The following VOPP1 variants were observed in gnomAD, a reference collection of about 807,000 sequenced individuals.
The protein encoded by VOPP1 is WW domain binding protein VOPP1.
Under a neutral mutation model 23.5 loss-of-function variants are expected in VOPP1, and 8 were observed. The ratio of observed to expected loss-of-function variants is 0.34; its 90% confidence interval spans 0.20 to 0.61. The LOEUF is 0.61. VOPP1 is among the 20% of genes least tolerant of loss of function. The pLI, the probability that VOPP1 is intolerant of heterozygous loss-of-function variation, is 0.78. For missense variants in VOPP1, 174 were observed against 238.1 expected (o/e 0.73, Z 1.77); for synonymous variants, 83 against 97.3 (o/e 0.85, Z 0.86).
rs184350920 is a variant in VOPP1, at chr7:55,550,981, A to G, written c.54+21290T>C. Among the ~76,000 whole-genome samples, 79 of 152,346 alleles carry G rather than the reference A, an allele frequency of 5.2e-4. No homozygotes were observed. In the East Asian group the frequency reaches 0.011, roughly 22 times the overall value. ...AAGGCTGTATCTAAAATGAGAACTAAGAGACACACAGGACAGCCCGAGAAG... is the reference window on the plus strand; with the variant it reads ...AAGGCTGTATCTAAAATGAGAACTAGGAGACACACAGGACAGCCCGAGAAG... On this transcript the variant is annotated intron_variant, in intron 1 of 4. Coordinates refer to ENST00000285279, the MANE Select transcript of VOPP1 (RefSeq NM_030796.5).
chr7:55,504,848 A>T (rs1462798695), intron 2 of VOPP1, among the ~76,000 whole-genome samples: 2 of 152,332 alleles, frequency 1.3e-5, no homozygotes, highest in East Asian at 3.9e-4. Context: ...TTCCACACTT[A>T]TTGGAGCTTC....
At chr7:55,556,770 G>A (rs1797822974) in intron 1 of VOPP1, among the ~76,000 whole-genome samples, 1 of 152,066 alleles carries the variant, frequency 6.6e-6, no homozygotes, top group Non-Finnish European at 1.5e-5. Context: ...TGACTAAAGG[G>A]AAACCATGTC....
rs537314220 is a variant in VOPP1 at position 55,499,607 on chromosome 7, A to G, written c.114-1917T>C. ...GTAATAAGTTCTTCTGTGGTGAAAA[A>G]TGGAGCCGGCACCGGCAGGTTGAGA... On this transcript the variant is annotated intron_variant, in intron 2 of 4. Coordinates refer to ENST00000285279, the MANE Select transcript of VOPP1 (RefSeq NM_030796.5). 5.9e-5 allele frequency among the ~76,000 whole-genome samples: 9 copies of G among 152,334 alleles called. No homozygotes were observed. In the South Asian group the frequency reaches 1.7e-3, roughly 28 times the overall value.
At chr7:55,481,656 T>C (rs1334418231) in intron 4 of VOPP1, among the ~76,000 whole-genome samples, 1 of 152,224 alleles carries the variant, frequency 6.6e-6, no homozygotes, top group East Asian at 1.9e-4. Flanking sequence ...GTGCAGAGCA[T>C]GCATTTGTTC....
chr7:55,468,115 A>G (rs977962740), downstream of VOPP1, among the ~76,000 whole-genome samples: 1 of 152,092 alleles, frequency 6.6e-6, no homozygotes, highest in African/African-American at 2.4e-5. Context: ...TACTAAAAAT[A>G]CAAAAATTAG....
At chr7:55,486,486 G>T (rs536087873) in intron 4 of VOPP1, among the ~76,000 whole-genome samples, 1 of 152,184 alleles carries the variant, frequency 6.6e-6, no homozygotes, top group Non-Finnish European at 1.5e-5. Context: ...GAAGTGCCGC[G>T]TAAGAATAAC....
At chr7:55,483,451 C>G (rs1042391648) in intron 4 of VOPP1, among the ~76,000 whole-genome samples, 1 of 151,822 alleles carries the variant, frequency 6.6e-6, no homozygotes, top group Non-Finnish European at 1.5e-5. Context: ...TTCACTCAAC[C>G]CTTCAGTAAG....
chr7:55,549,347 C>T (rs1797502511), intron 1 of VOPP1, among the ~76,000 whole-genome samples: 2 of 152,180 alleles, frequency 1.3e-5, no homozygotes, highest in African/African-American at 4.8e-5. Flanking sequence ...ATACAGACTC[C>T]CTTGAACTAG....
chr7:55,562,326 T>C (rs1403699256), intron 1 of VOPP1, among the ~76,000 whole-genome samples: 1 of 152,132 alleles, frequency 6.6e-6, no homozygotes, highest in Non-Finnish European at 1.5e-5. Context: ...CAGTCACCCT[T>C]CTCTCCCTTT....
At chr7:55,515,099 C>T (rs1795316997) in intron 2 of VOPP1, among the ~76,000 whole-genome samples, 1 of 152,220 alleles carries the variant, frequency 6.6e-6, no homozygotes, top group African/African-American at 2.4e-5. Context: ...CCACCGCCCT[C>T]TCTCTGCTCT....
chr7:55,438,227 C>T (rs1193821375), intron 4 of VOPP1, among the ~76,000 whole-genome samples: 1 of 151,966 alleles, frequency 6.6e-6, no homozygotes. Context: ...GGTGTCTTAT[C>T]TCTCCGAGGA....
At chr7:55,554,282 G>A (rs1797726834) in intron 1 of VOPP1, among the ~76,000 whole-genome samples, 1 of 152,226 alleles carries the variant, frequency 6.6e-6, no homozygotes, top group Non-Finnish European at 1.5e-5. Flanking sequence ...CCAAGGTCAG[G>A]AGAGGGCAGG....
At chr7:55,555,326 C>A (rs1251245647) in intron 1 of VOPP1, among the ~76,000 whole-genome samples, 2 of 152,198 alleles carry the variant, frequency 1.3e-5, no homozygotes, top group African/African-American at 4.8e-5. Context: ...AAGCAGACTG[C>A]ATGACAATCG....
chr7:55,511,139 G>A (rs1287794058), intron 2 of VOPP1, among the ~76,000 whole-genome samples: 1 of 152,156 alleles, frequency 6.6e-6, no homozygotes, highest in Non-Finnish European at 1.5e-5. Context: ...GCAGCAGAAA[G>A]GGAAATCAGC....
chr7:55,522,535 G>A (rs1795933975), intron 1 of VOPP1, among the ~76,000 whole-genome samples: 1 of 152,206 alleles, frequency 6.6e-6, no homozygotes, highest in African/African-American at 2.4e-5. Context: ...AGAGTCTTCT[G>A]TGATAAACAG....
chr7:55,459,344 G>A (rs985203856), intron 4 of VOPP1, among the ~76,000 whole-genome samples: 3 of 151,990 alleles, frequency 2.0e-5, no homozygotes, highest in Non-Finnish European at 4.4e-5. Flanking sequence ...CTTTTTCGTT[G>A]TGTCCTTCTC....
At position 55,505,364 on chromosome 7, in the gene VOPP1, A is replaced by G. The variant is rs539704895; in HGVS notation, c.114-7674T>C. Among the ~76,000 whole-genome samples, 11 of 152,324 alleles carry G rather than the reference A, an allele frequency of 7.2e-5. No homozygotes were observed. In the South Asian group the frequency reaches 2.3e-3, roughly 32 times the overall value. On this transcript the variant is annotated intron_variant, in intron 2 of 4. Transcript: ENST00000285279. The stretch of plus-strand genomic sequence containing the variant: ...TCCCAAAGTCCAGCAGTCTGCCTGC[A>G]GAAAGAAAACCAAAGGGAAAGAAAG...
chr7:55,515,379 G>C (rs757758277), intron 2 of VOPP1, among the ~76,000 whole-genome samples: 1 of 152,310 alleles, frequency 6.6e-6, no homozygotes, highest in Non-Finnish European at 1.5e-5. Context: ...TGGCAGCGAG[G>C]TGAGTTTGTC....
chr7:55,449,066 TCCTCTCTCTGCG>T (rs1333532477), intron 4 of VOPP1, among the ~76,000 whole-genome samples: 7 of 152,198 alleles, frequency 4.6e-5, no homozygotes, highest in Admixed American at 3.3e-4. Context: ...CGCGTGCATT[TCCTCTCTCTGCG>T]CCTCTCTCTG....
Sources: gnomAD v4.1 joint callset for allele counts (sites outside exome capture counted in the v4.1 genomes callset) on GRCh38, gnomAD v4.1.1 for gene constraint, MANE v1.5 for transcripts, NCBI Gene and HGNC (gene_info 2026-07-23, HGNC 2026-07-21) for gene names.